The following NME8 variants were observed in gnomAD, a reference collection of about 807,000 sequenced individuals.
The protein encoded by NME8 is protein NME8.
NME8 carries 72 observed loss-of-function variants against 82.3 expected under a neutral mutation model. The observed-to-expected ratio is 0.87, with a 90% CI of 0.72 to 1.06. The LOEUF (loss-of-function observed/expected upper bound fraction) is 1.06. Ranked by LOEUF, NME8 falls within the 50% of genes least tolerant of loss-of-function variation. The pLI is 0.00. For missense variants in NME8, 712 were observed against 685.4 expected, an observed-to-expected ratio of 1.04 and a Z score of -0.43; for synonymous variants, 267 against 228.5, an observed-to-expected ratio of 1.17 and a Z score of -1.52.
chr7:37,882,600 A>AAAGAAAGAAAGAAAGG (rs1784973120), intron 12 of NME8, among the ~76,000 whole-genome samples: 3 of 79,952 alleles, frequency 3.8e-5, no homozygotes, highest in Non-Finnish European at 5.5e-5. Context: ...AGAAAGAAAG[A>AAAGAAAGAAAGAAAGG]GAGAGAGAGA....
Position 37,862,078 on chromosome 7 carries a change from T to TA in NME8, c.327dup (p.Val110SerfsTer3). On this transcript the variant is annotated frameshift_variant, in exon 7 of 18. Coordinates refer to ENST00000199447, the MANE Select transcript of NME8 (RefSeq NM_016616.5). LOFTEE classifies it high-confidence loss of function. ...AGGGTGCAAATGCACCGCTTGTTAATAAAAAAGTTATTAATTTGATCGATG... is the reference window on the plus strand; with the variant it reads ...AGGGTGCAAATGCACCGCTTGTTAATAAAAAAAGTTATTAATTTGATCGATG... The TA allele has an allele frequency of 6.2e-7, 1 of 1,613,798 alleles. No homozygotes were observed. Among genetic ancestry groups the TA allele is most frequent in the East Asian group, 2.2e-5 (1 of 44,828 alleles).
At chr7:37,876,231 TAGATAGATAG>T (rs1348962471) in intron 11 of NME8, among the ~76,000 whole-genome samples, 88 of 77,468 alleles carry the variant, frequency 1.1e-3, no homozygotes, top group Middle Eastern at 0.014. Flanking sequence ...TATATATATA[TAGATAGATAG>T]ATAGATAGAT....
At chr7:37,855,758 T>C (rs1784501858) in intron 5 of NME8, among the ~76,000 whole-genome samples, 1 of 152,226 alleles carries the variant, frequency 6.6e-6, no homozygotes, top group South Asian at 2.1e-4. Flanking sequence ...TAAGTTGTCA[T>C]ATGATAACTT....
At chr7:37,865,931 T>C (rs1583631447) in intron 10 of NME8, among the ~76,000 whole-genome samples, 1 of 152,238 alleles carries the variant, frequency 6.6e-6, no homozygotes, top group East Asian at 1.9e-4. Context: ...TCATTTTCTA[T>C]TGATTTTTAT....
At chr7:37,851,486 C>T (rs1157639224) in intron 5 of NME8, among the ~76,000 whole-genome samples, 2 of 148,790 alleles carry the variant, frequency 1.3e-5, no homozygotes, top group South Asian at 2.1e-4. Context: ...TTCTGATTAA[C>T]ATTTAGCATA....
intron 16 of NME8, 148 bp from the exon 17 acceptor site, chr7:37,896,722 A>C: frequency 1.4e-6 from 1 of 696,544 alleles, no homozygotes. Flanking sequence ...GGGAGAAATG[A>C]AAAAAAGAAA....
intron 11 of NME8, among the ~76,000 whole-genome samples, chr7:37,870,418 G>A (rs1784750445): frequency 6.6e-6 from 1 of 151,738 alleles, no homozygotes; most frequent in South Asian, 2.1e-4. Flanking sequence ...GTGAAACCCA[G>A]TCTCGACTAA....
intron 5 of NME8, among the ~76,000 whole-genome samples, chr7:37,851,354 C>G (rs1784436065): frequency 6.6e-6 from 1 of 152,120 alleles, no homozygotes. Flanking sequence ...GAATTTAAAT[C>G]TGGATTTTCA....
chr7:37,883,284 T>G lies in NME8; in HGVS notation c.995-1019T>G, dbSNP rs1003611413. Among the ~76,000 whole-genome samples the G allele has an allele frequency of 2.6e-5, 4 of 152,340 alleles. No individual in the cohort carries two copies. The East Asian group carries it at 7.7e-4, about 29-fold the overall frequency. On this transcript the variant is annotated intron_variant, in intron 12 of 17. Coordinates refer to ENST00000199447, the MANE Select transcript of NME8 (RefSeq NM_016616.5). ...GGTACCCTCATTTGAGAAATCTTTT[T>G]ACAAAATTAGTAATTTAAAAAAAAC...
At chr7:37,892,184 T>G (rs73691370) in intron 15 of NME8, among the ~76,000 whole-genome samples, 5,992 of 152,060 alleles carry the variant, frequency 0.039, 391 homozygotes, top group African/African-American at 0.14. Flanking sequence ...TCAAGTCTAG[T>G]AGTTTTACTA....
At chr7:37,882,591 G>GAA (rs1372562444) in intron 12 of NME8, among the ~76,000 whole-genome samples, 1 of 75,628 alleles carries the variant, frequency 1.3e-5, no homozygotes, top group African/African-American at 5.6e-5. Context: ...AAGAAAGAAA[G>GAA]AAAGAAAGAG....
intron 2 of NME8, among the ~76,000 whole-genome samples, chr7:37,849,377 A>G (rs1357665688): frequency 6.6e-6 from 1 of 152,130 alleles, no homozygotes; most frequent in Admixed American, 6.5e-5. Flanking sequence ...CAAAACCTTT[A>G]AAAAAACCAG....
At chr7:37,866,022 C>T (rs1031770420) in intron 10 of NME8, among the ~76,000 whole-genome samples, 1 of 151,952 alleles carries the variant, frequency 6.6e-6, no homozygotes, top group Non-Finnish European at 1.5e-5. Context: ...CTCAGGCTGC[C>T]CCGACCCCAA....
In NME8 at chr7:37,888,387, C is replaced by A; in HGVS notation, c.1358C>A (p.Thr453Asn). 1 of 1,613,308 alleles carries A rather than the reference C, an allele frequency of 6.2e-7. No homozygotes were observed. The highest frequency in any genetic ancestry group is 8.5e-7 in the Non-Finnish European group (1 of 1,179,576). ...EIQHFFPLQS[T>N]LGLIKPHATS... Reference sequence around the variant, plus strand: ...CAGCATTTCTTTCCTCTTCAAAGCACTTTAGGCTTGATTAAACCTCATGCA... The same window carrying A: ...CAGCATTTCTTTCCTCTTCAAAGCAATTTAGGCTTGATTAAACCTCATGCA... The change falls in exon 15 of 18, where the codon ACT (threonine) becomes AAT (asparagine). Residue 453 changes from threonine (T) to asparagine (N), a missense_variant. Transcript: ENST00000199447.
At chr7:37,859,149 C>A (rs1784560224) in intron 6 of NME8, among the ~76,000 whole-genome samples, 2 of 152,186 alleles carry the variant, frequency 1.3e-5, no homozygotes, top group Admixed American at 1.3e-4. Flanking sequence ...GATAACAACA[C>A]AAAACAGACT....
At chr7:37,886,784 G>A (rs1785047036) in intron 14 of NME8, among the ~76,000 whole-genome samples, 1 of 151,960 alleles carries the variant, frequency 6.6e-6, no homozygotes, top group Non-Finnish European at 1.5e-5. Context: ...AGAGTCCAAG[G>A]GACTAGGGCT....
chr7:37,877,017 C>T lies in NME8; in HGVS notation c.994+10C>T. ...TTTCATGAAAGGAAAGGTAGGGAAT[C>T]AAGCATAAATTGTTTAAGTATTTTA... On this transcript the variant is annotated intron_variant, in intron 12 of 17. Transcript: ENST00000199447. 1 of 1,605,254 alleles carries T rather than the reference C, an allele frequency of 6.2e-7. No homozygotes were observed. The highest frequency in any genetic ancestry group is 8.5e-7 in the Non-Finnish European group (1 of 1,172,506).
At chr7:37,894,862 T>TCCC (rs1785196975) in intron 16 of NME8, among the ~76,000 whole-genome samples, 2 of 150,770 alleles carry the variant, frequency 1.3e-5, no homozygotes, top group South Asian at 2.1e-4. Flanking sequence ...CTTTCTCCCT[T>TCCC]TCCTTCCCTT....
In NME8 at chr7:37,857,361, T is replaced by G. The variant is rs1411138233; in HGVS notation, c.270+16T>G. The G allele has an allele frequency of 6.6e-7, 1 of 1,515,132 alleles. No individual in the cohort carries two copies. The highest frequency in any genetic ancestry group is 1.1e-5 in the South Asian group (1 of 88,768). The allele number at this position is 1,515,132 out of a possible 1,614,324, so 93.9% of individuals were successfully genotyped here. A position where few individuals can be genotyped will look rare whatever the true frequency, so the allele number is the denominator to read the frequency against. On this transcript the variant is annotated intron_variant, in intron 6 of 17. Coordinates refer to ENST00000199447, the MANE Select transcript of NME8 (RefSeq NM_016616.5). ...CTTTAGTGTTGTAAGTATATTTACT[T>G]TCTCAATTGCATTATCAGATTCCAG...
Sources: allele counts gnomAD v4.1 joint callset (sites outside exome capture counted in the v4.1 genomes callset), GRCh38; gene constraint gnomAD v4.1.1; transcripts MANE v1.5; gene names NCBI Gene and HGNC (gene_info 2026-07-23, HGNC 2026-07-21).